The following HAO2 variants were observed in gnomAD, a reference collection of about 807,000 sequenced individuals.
HAO2 encodes the protein hydroxyacid oxidase 2, also known as 2-Hydroxyacid oxidase 2.
In HAO2, 42 loss-of-function variants were observed where a neutral mutation model predicts 37.4. The observed-to-expected ratio is 1.12, with a 90% CI of 0.88 to 1.45. HAO2 has a LOEUF of 1.45. Ranked by LOEUF, HAO2 falls within the 40% of genes most tolerant of loss-of-function variation. The probability of loss-of-function intolerance (pLI) is 0.00; values close to 1 mark genes in which losing one functional copy is unlikely to be tolerated. For missense variants in HAO2, 476 were observed against 430.2 expected, an observed-to-expected ratio of 1.11 and a Z score of -0.94; for synonymous variants, 180 against 162.8, an observed-to-expected ratio of 1.11 and a Z score of -0.81.
chr1:119,382,753 A>T (rs1015027766), intron 2 of HAO2, among the ~76,000 whole-genome samples, 162 bp from the exon 3 acceptor site: 2 of 152,224 alleles, frequency 1.3e-5, no homozygotes, highest in African/African-American at 4.8e-5. Flanking sequence ...CTCCTGGATC[A>T]ACATAGGTTA....
intron 1 of HAO2, among the ~76,000 whole-genome samples, chr1:119,371,551 C>T (rs1649013550): frequency 6.6e-6 from 1 of 152,100 alleles, no homozygotes; most frequent in South Asian, 2.1e-4. Flanking sequence ...TTCCATAAAC[C>T]ACACTTGGCT....
chr1:119,383,474 G>A (rs1650128026), intron 3 of HAO2, among the ~76,000 whole-genome samples: 1 of 152,188 alleles, frequency 6.6e-6, no homozygotes, highest in Admixed American at 6.5e-5. Context: ...GATGAGGAGA[G>A]AATCACGACA....
chr1:119,391,996 GA>G, intron 5 of HAO2, 113 bp from the exon 6 acceptor site: 1 of 864,196 alleles, frequency 1.2e-6, no homozygotes, highest in Non-Finnish European at 1.8e-6. Flanking sequence ...CATGGGAGGG[GA>G]AGAAATTGTC....
chr1:119,369,286 CA>C (rs1648767688), intron 1 of HAO2, among the ~76,000 whole-genome samples: 1 of 152,090 alleles, frequency 6.6e-6, no homozygotes. Context: ...CGGCCACAAG[CA>C]AAAGAAAACA....
chr1:119,384,821 G>A lies in HAO2; in HGVS notation c.329G>A (p.Ser110Asn). The A allele has an allele frequency of 6.2e-7, 1 of 1,613,926 alleles. No individual in the cohort carries two copies. Among genetic ancestry groups the A allele is most frequent in the Non-Finnish European group, 8.5e-7 (1 of 1,179,866 alleles). The change falls in exon 4 of 8, where the codon AGC (serine) becomes AAC (asparagine). Residue 110 changes from serine to asparagine, a missense_variant. Coordinates refer to ENST00000325945, the MANE Select transcript of HAO2 (RefSeq NM_016527.4). ...TGCTACATCACCAGCACATTTGCCA[G>A]CTGTAGCCTTGAAGACATTGTCATT... ...GICYITSTFA[S>N]CSLEDIVIAA...
chr1:119,376,492 T>A (rs1649482189), intron 1 of HAO2, among the ~76,000 whole-genome samples: 1 of 152,206 alleles, frequency 6.6e-6, no homozygotes, highest in South Asian at 2.1e-4. Context: ...TCTACCATTC[T>A]GGAGTCTGGA....
intron 5 of HAO2, among the ~76,000 whole-genome samples, chr1:119,391,865 A>T (rs112098228): frequency 1.3e-5 from 2 of 152,316 alleles, no homozygotes; most frequent in African/African-American, 2.4e-5. Flanking sequence ...AGTTCTTCCA[A>T]CTTGTAAGAC....
rs1219949922 is a variant in HAO2 at position 119,386,767 on chromosome 1, A to G, written c.707A>G (p.His236Arg). 1 of 1,613,820 alleles carries G rather than the reference A, an allele frequency of 6.2e-7. No homozygotes were observed. Among genetic ancestry groups the G allele is most frequent in the African/African-American group, 1.3e-5 (1 of 74,936 alleles). The change falls in exon 5 of 8, where the codon CAC becomes CGC. Residue 236 changes from histidine to arginine, a missense_variant. By Grantham distance (29) the His-to-Arg change is conservative (BLOSUM62 0). Coordinates refer to ENST00000325945, the MANE Select transcript of HAO2 (RefSeq NM_016527.4). Reference protein sequence around the residue: ...TKEDAELAVKHNVQGIIVSNH... With the variant: ...TKEDAELAVKRNVQGIIVSNH... ...GAGGATGCAGAGTTAGCTGTGAAGC[A>G]CAATGTCCAGGGTATCATTGTTTCC... is the stretch of plus-strand genomic sequence containing the variant.
At chr1:119,393,543 G>A (rs1237959731) in intron 7 of HAO2, among the ~76,000 whole-genome samples, 4 of 152,038 alleles carry the variant, frequency 2.6e-5, no homozygotes, top group Non-Finnish European at 5.9e-5. Context: ...GCTAAAATAG[G>A]GTTTTTACAT....
At chr1:119,382,318 C>T (rs895653027) in intron 2 of HAO2, among the ~76,000 whole-genome samples, 1 of 152,138 alleles carries the variant, frequency 6.6e-6, no homozygotes, top group Non-Finnish European at 1.5e-5. Flanking sequence ...ACACCTGAGG[C>T]TAAGTATGCA....
At chr1:119,375,844 A>G (rs1415959576) in intron 1 of HAO2, among the ~76,000 whole-genome samples, 2 of 152,128 alleles carry the variant, frequency 1.3e-5, no homozygotes, top group African/African-American at 4.8e-5. Flanking sequence ...TTTCACTATC[A>G]TGAGAACAGC....
intron 4 of HAO2, chr1:119,385,628 C>A: frequency 4.1e-6 from 4 of 985,100 alleles, no homozygotes; most frequent in Non-Finnish European, 4.8e-6. Context: ...TAGGTGACTA[C>A]AAAGGGGACC....
Position 119,386,649 on chromosome 1 carries a change from A to T in HAO2, c.589A>T (p.Thr197Ser). The change falls in exon 5 of 8, where the codon ACT (threonine) becomes TCT (serine). Residue 197 changes from threonine to serine, a missense_variant. Physicochemically the swap from Thr to Ser is moderately conservative, Grantham distance 58. Transcript: ENST00000325945. ...AAATGCAATACCTTATTTCCAGATG[A>T]CTCCTATCAGCACTTCTCTCTGCTG... ...KGNAIPYFQM[T>S]PISTSLCWND... The T allele has an allele frequency of 6.2e-7, 1 of 1,610,180 alleles. No homozygotes were observed. The highest frequency in any genetic ancestry group is 8.5e-7 in the Non-Finnish European group (1 of 1,176,822).
chr1:119,390,748 T>C (rs917539803), intron 5 of HAO2, among the ~76,000 whole-genome samples: 4 of 152,152 alleles, frequency 2.6e-5, no homozygotes, highest in Non-Finnish European at 5.9e-5. Context: ...AGCTGACTTA[T>C]CCTTTCCCCT....
At position 119,380,618 on chromosome 1, in the gene HAO2, C is replaced by T. The variant is rs80302654; in HGVS notation, c.-8-460C>T. The T allele has an allele frequency of 8.9e-3, 9,176 of 1,032,840 alleles. 489 individuals are homozygous for T. The African/African-American group carries it at 0.12, about 14-fold the overall frequency. The allele number at this position is 1,032,840 out of a possible 1,614,324, so 64.0% of individuals were successfully genotyped here. ...TCCAGGGCCTAGAAAGCTGGGAATG[C>T]CATGACGTGGGCACATTGAAAGACA... On this transcript the variant is annotated intron_variant, in intron 1 of 7. Transcript: ENST00000325945.
intron 5 of HAO2, among the ~76,000 whole-genome samples, chr1:119,391,590 A>T (rs140430712): frequency 6.6e-6 from 1 of 152,202 alleles, no homozygotes; most frequent in Non-Finnish European, 1.5e-5. Flanking sequence ...AGTCAGGGAC[A>T]AGTTGGTCAA....
chr1:119,380,162 T>C (rs1037364759), intron 1 of HAO2, among the ~76,000 whole-genome samples: 2 of 152,204 alleles, frequency 1.3e-5, no homozygotes, highest in Admixed American at 6.5e-5. Context: ...CTCTACATGC[T>C]GTAACTGAAA....
chr1:119,392,755 C>G, intron 7 of HAO2, 68 bp downstream of exon 7: 3 of 960,650 alleles, frequency 3.1e-6, no homozygotes, highest in Non-Finnish European at 5.1e-6. Flanking sequence ...AGCAGCAGTC[C>G]TTCCCTCTAG....
chr1:119,375,983 C>T (rs1485754625), intron 1 of HAO2, among the ~76,000 whole-genome samples: 1 of 152,284 alleles, frequency 6.6e-6, no homozygotes, highest in Middle Eastern at 3.4e-3. Context: ...TATCACTCCA[C>T]TCCTGGCCCC....
Sources: allele counts gnomAD v4.1 joint callset (sites outside exome capture counted in the v4.1 genomes callset), GRCh38; gene constraint gnomAD v4.1.1; transcripts MANE v1.5; gene names NCBI Gene and HGNC (gene_info 2026-07-23, HGNC 2026-07-21).